The following ELAVL2 variants were observed in gnomAD, a reference collection of about 807,000 sequenced individuals.
The protein encoded by ELAVL2 is ELAV like RNA binding protein 2.
Under a neutral mutation model 34.6 loss-of-function variants are expected in ELAVL2, and 4 were observed. That is an observed-to-expected ratio of 0.12 (90% CI 0.06 to 0.26). The LOEUF (loss-of-function observed/expected upper bound fraction) is 0.26, where lower values mean the gene tolerates loss of function less well. Among genes scored for constraint, ELAVL2 ranks in the 10% least tolerant of loss-of-function variants. ELAVL2 has a pLI of 1.00. For missense variants in ELAVL2, 432 were observed against 442.8 expected (o/e 0.98, Z 0.22); for synonymous variants, 193 against 154.8 (o/e 1.25, Z -1.83).
chr9:23,822,762 C>A (rs2064997628), intron 1 of ELAVL2, among the ~76,000 whole-genome samples: 1 of 152,224 alleles, frequency 6.6e-6, no homozygotes, highest in African/African-American at 2.4e-5. Flanking sequence ...CCTGTCATAC[C>A]TACCTGAAAT....
At chr9:23,764,896 G>T in intron 1 of ELAVL2, 1 of 1,090,694 alleles carries the variant, frequency 9.2e-7, no homozygotes, top group Non-Finnish European at 1.3e-6. Flanking sequence ...TAGGTTAAAT[G>T]TAAGAATAAT....
intron 1 of ELAVL2, among the ~76,000 whole-genome samples, chr9:23,810,931 G>A (rs189379977): frequency 6.6e-6 from 1 of 152,080 alleles, no homozygotes; most frequent in Non-Finnish European, 1.5e-5. Context: ...CTTCCTAATG[G>A]TAAGTCAACA....
At chr9:23,810,681 A>AG (rs1277569487) in intron 1 of ELAVL2, among the ~76,000 whole-genome samples, 3 of 152,182 alleles carry the variant, frequency 2.0e-5, no homozygotes, top group Non-Finnish European at 4.4e-5. Context: ...GTACAGAACT[A>AG]GGAGTCTGAC....
chr9:23,836,128 T>C, the ELAVL2 span, among the ~76,000 whole-genome samples: 25 of 152,362 alleles, frequency 1.6e-4, no homozygotes, highest in African/African-American at 5.8e-4. Flanking sequence ...TGGAGCATTA[T>C]GTATGTGTAT....
In ELAVL2 at chr9:23,701,492, T is replaced by C. The variant is rs1211801035; in HGVS notation, c.600A>G (p.Val200=). Residue 200 remains valine, a synonymous_variant, in exon 5 of 7, where the codon GTA becomes GTG. Transcript: ENST00000397312. ...KPPGATEPIT[V]KFANNPSQKT... Reference sequence around the variant, plus strand: ...TTTGGCTTGGGTTATTAGCAAACTTTACAGTGATTGGCTCCGTGGCACCGG... The same window carrying C: ...TTTGGCTTGGGTTATTAGCAAACTTCACAGTGATTGGCTCCGTGGCACCGG... The C allele has an allele frequency of 6.2e-7, 1 of 1,614,106 alleles. No individual in the cohort carries two copies. The highest frequency in any genetic ancestry group is 8.5e-7 in the Non-Finnish European group (1 of 1,180,002).
intron 1 of ELAVL2, among the ~76,000 whole-genome samples, chr9:23,810,806 G>T (rs2062874728): frequency 6.6e-6 from 1 of 152,104 alleles, no homozygotes; most frequent in Non-Finnish European, 1.5e-5. Context: ...TTTCTATAAG[G>T]ACAGAAAAAC....
At chr9:23,789,512 A>G (rs973027093) in intron 1 of ELAVL2, among the ~76,000 whole-genome samples, 10 of 152,196 alleles carry the variant, frequency 6.6e-5, no homozygotes, top group Admixed American at 2.0e-4. Flanking sequence ...TTATTTCTCA[A>G]AAGAATCCAC....
chr9:23,732,720 G>A (rs1412176147), intron 2 of ELAVL2, among the ~76,000 whole-genome samples: 1 of 152,112 alleles, frequency 6.6e-6, no homozygotes, highest in African/African-American at 2.4e-5. Flanking sequence ...TTCCAATACC[G>A]GCTCTGGTGT....
chr9:23,752,182 T>C (rs1046813336), intron 2 of ELAVL2, among the ~76,000 whole-genome samples: 2 of 152,154 alleles, frequency 1.3e-5, no homozygotes, highest in Admixed American at 6.5e-5. Context: ...AGAGAGACAG[T>C]ACCCCTGTGT....
chr9:23,779,260 G>C (rs2058705658), intron 1 of ELAVL2: 1 of 985,264 alleles, frequency 1.0e-6, no homozygotes. Flanking sequence ...TGCTGCTTTT[G>C]GTTTACCCCA....
intron 4 of ELAVL2, among the ~76,000 whole-genome samples, chr9:23,704,034 G>C (rs1272747780): frequency 6.6e-6 from 1 of 152,068 alleles, no homozygotes; most frequent in Non-Finnish European, 1.5e-5. Flanking sequence ...TGGGGTTCAA[G>C]TGATTCTCCT....
the ELAVL2 span, among the ~76,000 whole-genome samples, chr9:23,846,766 C>T: frequency 2.6e-5 from 4 of 151,998 alleles, no homozygotes; most frequent in African/African-American, 9.7e-5. Context: ...AAACTTTTTT[C>T]TTCAAAAATG....
chr9:23,703,410 G>A (rs887402363), intron 4 of ELAVL2, among the ~76,000 whole-genome samples: 1 of 152,148 alleles, frequency 6.6e-6, no homozygotes, highest in South Asian at 2.1e-4. Flanking sequence ...CAATGTATAA[G>A]TATTATGAAT....
intron 2 of ELAVL2, among the ~76,000 whole-genome samples, chr9:23,745,781 A>G (rs2050335143): frequency 1.3e-5 from 2 of 152,192 alleles, no homozygotes; most frequent in Non-Finnish European, 2.9e-5. Context: ...GGTCATTCAG[A>G]GGCAAATCTG....
At chr9:23,804,758 G>C (rs891980985) in intron 1 of ELAVL2, among the ~76,000 whole-genome samples, 3 of 152,096 alleles carry the variant, frequency 2.0e-5, no homozygotes, top group African/African-American at 7.2e-5. Context: ...GCAGTGTAGA[G>C]AGGGCACTGG....
intron 2 of ELAVL2, among the ~76,000 whole-genome samples, chr9:23,737,276 G>T (rs2048123409): frequency 6.6e-6 from 1 of 152,168 alleles, no homozygotes; most frequent in Non-Finnish European, 1.5e-5. Context: ...GGAGATAGTT[G>T]CCCTTATAAA....
chr9:23,778,953 G>A (rs1335596663), intron 1 of ELAVL2, among the ~76,000 whole-genome samples: 1 of 152,070 alleles, frequency 6.6e-6, no homozygotes, highest in Non-Finnish European at 1.5e-5. Flanking sequence ...GTCCCTTCTG[G>A]GGGCTGAGTT....
At chr9:23,753,440 A>T (rs1227112777) in intron 2 of ELAVL2, among the ~76,000 whole-genome samples, 2 of 152,178 alleles carry the variant, frequency 1.3e-5, no homozygotes, top group Non-Finnish European at 2.9e-5. Context: ...AAAAAATAAA[A>T]GGCTGGTGGC....
At chr9:23,779,829 A>T (rs922099974) in intron 1 of ELAVL2, among the ~76,000 whole-genome samples, 3 of 152,128 alleles carry the variant, frequency 2.0e-5, no homozygotes, top group Non-Finnish European at 4.4e-5. Flanking sequence ...CACAGCTAAA[A>T]ATAAAAAGCT....
Sources: allele counts gnomAD v4.1 joint callset (sites outside exome capture counted in the v4.1 genomes callset), GRCh38; gene constraint gnomAD v4.1.1; transcripts MANE v1.5; gene names NCBI Gene and HGNC (gene_info 2026-07-23, HGNC 2026-07-21).